Variants in ATP13A4 observed in about 807,000 individuals in gnomAD.
ATP13A4 encodes probable cation-transporting ATPase 13A4.
A neutral mutation model predicts 142.5 loss-of-function variants in ATP13A4; 114 were observed. The ratio of observed to expected loss-of-function variants is 0.80; its 90% CI spans 0.69 to 0.93. The LOEUF (loss-of-function observed/expected upper bound fraction) is 0.93. ATP13A4 is among the 40% of genes least tolerant of loss of function. The pLI, the probability that ATP13A4 is intolerant of heterozygous loss-of-function variation, is 0.00. For synonymous variants in ATP13A4, 488 were observed against 514.8 expected, an observed-to-expected ratio of 0.95 and a Z score of 0.70; for missense variants, 1,392 against 1,454.0, an observed-to-expected ratio of 0.96 and a Z score of 0.69.
chr3:193,419,103 T>A (rs1715273325), intron 25 of ATP13A4: 1 of 150,900 alleles, frequency 6.6e-6, no homozygotes, highest in Non-Finnish European at 1.5e-5. Flanking sequence ...CTGCCCTGCA[T>A]GGCCTGAGGG....
chr3:193,524,831 T>C (rs894111177), intron 1 of ATP13A4, among the ~76,000 whole-genome samples: 6 of 152,232 alleles, frequency 3.9e-5, no homozygotes, highest in African/African-American at 1.2e-4. Flanking sequence ...GGCTGATTAA[T>C]AACCTCTCAG....
At chr3:193,467,672 T>C (rs1054918892) in intron 9 of ATP13A4, among the ~76,000 whole-genome samples, 186 bp from the exon 10 acceptor site, 16 of 152,170 alleles carry the variant, frequency 1.1e-4, no homozygotes, top group Non-Finnish European at 2.2e-4. Context: ...TAGTTTAGAA[T>C]AGGAGACAGA....
At chr3:193,443,172 C>A (rs1156994609) in intron 18 of ATP13A4, among the ~76,000 whole-genome samples, 1 of 152,110 alleles carries the variant, frequency 6.6e-6, no homozygotes, top group Non-Finnish European at 1.5e-5. Flanking sequence ...GTCTTTCTGG[C>A]CAGAAGAGCC....
At chr3:193,414,409 C>T (rs1276532512) in intron 26 of ATP13A4, among the ~76,000 whole-genome samples, 170 bp downstream of exon 26, 2 of 152,020 alleles carry the variant, frequency 1.3e-5, no homozygotes, top group African/African-American at 4.8e-5. Context: ...CATTCATTAG[C>T]ATTAAATCAT....
chr3:193,525,696 C>T, intron 1 of ATP13A4, among the ~76,000 whole-genome samples: 1 of 152,218 alleles, frequency 6.6e-6, no homozygotes, highest in East Asian at 1.9e-4. Flanking sequence ...ATGTAGGACT[C>T]TAAGTTCCCT....
intron 1 of ATP13A4, among the ~76,000 whole-genome samples, chr3:193,521,817 C>A (rs561999308): frequency 1.3e-5 from 2 of 152,260 alleles, no homozygotes; most frequent in African/African-American, 4.8e-5. Context: ...CCTGTAATCC[C>A]AGCCACTTGG....
chr3:193,576,562 C>T (rs1489173769), intron 2 of ATP13A4, among the ~76,000 whole-genome samples: 3 of 152,086 alleles, frequency 2.0e-5, no homozygotes, highest in Non-Finnish European at 1.5e-5. Flanking sequence ...TGAGCCACCG[C>T]GCCCGGCCTT....
rs1009182342 is a variant in ATP13A4 at position 193,418,514 on chromosome 3, T to C, written c.2843-3764A>G. On this transcript the variant is annotated intron_variant, in intron 25 of 29. Coordinates refer to ENST00000342695, the MANE Select transcript of ATP13A4 (RefSeq NM_032279.4). The stretch of plus-strand genomic sequence containing the variant: ...ACAGAAAACCAGTATGGCCACATAC[T>C]GGTTTCTATTATAGTACTCCACATC... Among the ~76,000 whole-genome samples the C allele has an allele frequency of 1.3e-5, 2 of 149,300 alleles. 1 individual carries two copies. The highest frequency in any genetic ancestry group is 4.9e-5 in the African/African-American group (2 of 40,540).
chr3:193,545,358 A>C (rs1723160307), intron 1 of ATP13A4, among the ~76,000 whole-genome samples: 1 of 152,144 alleles, frequency 6.6e-6, no homozygotes, highest in African/African-American at 2.4e-5. Context: ...TGAGGACATT[A>C]TATTTCTCTG....
intron 17 of ATP13A4, among the ~76,000 whole-genome samples, chr3:193,449,954 T>G (rs1158875866): frequency 1.3e-5 from 2 of 151,920 alleles, no homozygotes; most frequent in Non-Finnish European, 2.9e-5. Flanking sequence ...ATCCCATCCC[T>G]ACTAAAAATA....
chr3:193,531,287 G>GAA, intron 1 of ATP13A4, among the ~76,000 whole-genome samples: 1 of 92,800 alleles, frequency 1.1e-5, no homozygotes, highest in Non-Finnish European at 2.4e-5. Context: ...AGGGAGGGAG[G>GAA]GAGGGAGGGA....
At chr3:193,577,835 C>A (rs1002502097) in intron 2 of ATP13A4, among the ~76,000 whole-genome samples, 1 of 152,188 alleles carries the variant, frequency 6.6e-6, no homozygotes, top group East Asian at 1.9e-4. Flanking sequence ...TCATGATAAC[C>A]TTTTCTTCCA....
chr3:193,467,410 C>T lies in ATP13A4; in HGVS notation c.1020G>A (p.Ala340=), dbSNP rs373335237. 2.8e-5 allele frequency: 45 copies of T among 1,613,916 alleles called. No homozygotes were observed. Among genetic ancestry groups the T allele is most frequent in the East Asian group, 6.7e-5 (3 of 44,890 alleles). Reference sequence around the variant, plus strand: ...AGAAGAGGACATGCCGCTTGTAATCCGCTTCACTCTGTGTTTTCCAGGGCA... The same window carrying T: ...AGAAGAGGACATGCCGCTTGTAATCTGCTTCACTCTGTGTTTTCCAGGGCA... ...SSVPWKTQSE[A]DYKRHVLFCG... The change falls in exon 10 of 30, where the codon GCG becomes GCA. Residue 340 remains alanine (A), a synonymous_variant. Coordinates refer to ENST00000342695, the MANE Select transcript of ATP13A4 (RefSeq NM_032279.4).
rs752829516 is a variant in ATP13A4 at position 193,554,729 on chromosome 3, TAGAATCTTACC to T, written c.60_60+10del. The T allele has an allele frequency of 1.2e-6, 2 of 1,613,456 alleles. No individual in the cohort carries two copies. On this transcript the variant is annotated splice_donor_variant and splice_donor_5th_base_variant and coding_sequence_variant and intron_variant, in exon 1 of 30. Coordinates refer to ENST00000342695, the MANE Select transcript of ATP13A4 (RefSeq NM_032279.4). LOFTEE classifies it high-confidence loss of function. Reference sequence around the variant, plus strand: ...TGGGATGGGAAGAAGGGAATGTGGCTAGAATCTTACCATCTCATTCTCTTCTCCTTCATTGA... The same window carrying T: ...TGGGATGGGAAGAAGGGAATGTGGCTATCTCATTCTCTTCTCCTTCATTGA...
intron 1 of ATP13A4, among the ~76,000 whole-genome samples, chr3:193,582,333 G>C (rs1241095141): frequency 1.3e-5 from 2 of 149,118 alleles, no homozygotes; most frequent in Non-Finnish European, 3.0e-5. Flanking sequence ...ATTTTTAGTA[G>C]AGATGGGGTT....
intron 8 of ATP13A4, among the ~76,000 whole-genome samples, chr3:193,474,034 T>C (rs1718769753): frequency 6.6e-6 from 1 of 151,918 alleles, no homozygotes; most frequent in Admixed American, 6.6e-5. Context: ...AAATACACAG[T>C]AGAGGCCAGG....
intron 1 of ATP13A4, among the ~76,000 whole-genome samples, chr3:193,548,613 G>T (rs1723357979): frequency 6.6e-6 from 1 of 152,242 alleles, no homozygotes; most frequent in East Asian, 1.9e-4. Context: ...ACTCAGAGGT[G>T]CTCATGGAGC....
chr3:193,479,271 A>C (rs1292309843), intron 8 of ATP13A4, among the ~76,000 whole-genome samples: 2 of 152,174 alleles, frequency 1.3e-5, no homozygotes, highest in Non-Finnish European at 2.9e-5. Flanking sequence ...TAGCCAGGAC[A>C]ATCAGACAAG....
chr3:193,568,316 G>T (rs991311554), intron 2 of ATP13A4, among the ~76,000 whole-genome samples: 3 of 151,858 alleles, frequency 2.0e-5, no homozygotes, highest in Non-Finnish European at 4.4e-5. Flanking sequence ...GTTGATTCCA[G>T]GAAAAAAGCT....
Sources: gnomAD v4.1 joint callset for allele counts (sites outside exome capture counted in the v4.1 genomes callset) on GRCh38, gnomAD v4.1.1 for gene constraint, MANE v1.5 for transcripts, NCBI Gene and HGNC (gene_info 2026-07-23, HGNC 2026-07-21) for gene names.